The following LAPTM4B variants were observed in gnomAD, a reference collection of about 807,000 sequenced individuals.
LAPTM4B encodes the protein lysosomal protein transmembrane 4 beta.
A neutral mutation model predicts 28.5 loss-of-function variants in LAPTM4B; 26 were observed. That is an observed-to-expected ratio of 0.91 (90% CI 0.67 to 1.27). LAPTM4B has a LOEUF of 1.27. LAPTM4B is among the 50% of genes most tolerant of loss of function. LAPTM4B has a pLI of 0.00. For missense variants in LAPTM4B, 288 were observed against 285.8 expected, an observed-to-expected ratio of 1.01 and a Z score of -0.06; for synonymous variants, 109 against 106.4, an observed-to-expected ratio of 1.02 and a Z score of -0.15.
chr8:97,850,752 T>G (rs1817511650), intron 6 of LAPTM4B, among the ~76,000 whole-genome samples: 1 of 146,468 alleles, frequency 6.8e-6, no homozygotes, highest in Non-Finnish European at 1.5e-5. Context: ...TTTGTCTCAA[T>G]TATCTTATAC....
intron 6 of LAPTM4B, among the ~76,000 whole-genome samples, chr8:97,830,867 G>A (rs1041227562): frequency 1.3e-5 from 2 of 152,126 alleles, no homozygotes; most frequent in African/African-American, 4.8e-5. Context: ...CAGCTCAGCG[G>A]ATTTCATGTC....
At chr8:97,787,611 T>TTAAA (rs1274709738) in intron 1 of LAPTM4B, among the ~76,000 whole-genome samples, 1 of 152,206 alleles carries the variant, frequency 6.6e-6, no homozygotes, top group Non-Finnish European at 1.5e-5. Flanking sequence ...ACACCTAACT[T>TTAAA]ATTAAAGTCT....
chr8:97,847,112 C>T (rs1467497080), intron 6 of LAPTM4B, among the ~76,000 whole-genome samples: 1 of 152,144 alleles, frequency 6.6e-6, no homozygotes, highest in African/African-American at 2.4e-5. Flanking sequence ...ATAGAAGAGA[C>T]ATTATATATA....
chr8:97,808,278 A>G (rs7844304), intron 2 of LAPTM4B, among the ~76,000 whole-genome samples: 68,389 of 151,398 alleles, frequency 0.45, 15,906 homozygotes, highest in East Asian at 0.58. Flanking sequence ...GCAAAACCCC[A>G]TCTCTACTAA....
chr8:97,824,001 C>T (rs929655777), intron 5 of LAPTM4B, among the ~76,000 whole-genome samples: 4 of 152,026 alleles, frequency 2.6e-5, no homozygotes, highest in Admixed American at 1.3e-4. Flanking sequence ...TGCCTGGCCC[C>T]GCCCCATTAT....
At position 97,801,373 on chromosome 8, in the gene LAPTM4B, G is replaced by A. The variant is rs149045364; in HGVS notation, c.100-3980G>A. ...ATTTTTCTATTTTTAGCAGAGATGG[G>A]GTTTCACCACGTTGGCCAAACTGGT... On this transcript the variant is annotated intron_variant, in intron 1 of 6. Transcript: ENST00000521545. Among the ~76,000 whole-genome samples the A allele has an allele frequency of 3.3e-3, 494 of 151,916 alleles. 2 individuals carry two copies. The highest frequency in any genetic ancestry group is 0.011 in the African/African-American group (461 of 41,414).
At chr8:97,778,711 T>A (rs2129712524) in intron 1 of LAPTM4B, among the ~76,000 whole-genome samples, 1 of 152,236 alleles carries the variant, frequency 6.6e-6, no homozygotes, top group Non-Finnish European at 1.5e-5. Flanking sequence ...CCTTTTAACT[T>A]TTTGCCTACT....
intron 1 of LAPTM4B, among the ~76,000 whole-genome samples, chr8:97,804,753 G>C (rs1816735616): frequency 1.3e-5 from 2 of 152,196 alleles, no homozygotes; most frequent in Admixed American, 6.5e-5. Flanking sequence ...GAGGAGCTGA[G>C]TTTAAAGTAG....
chr8:97,825,973 C>G (rs2513956), intron 6 of LAPTM4B, among the ~76,000 whole-genome samples: 131,233 of 152,234 alleles, frequency 0.86, 58,260 homozygotes, highest in East Asian at 0.96. Context: ...AATGGTAGGA[C>G]GTCAAATTTA....
intron 2 of LAPTM4B, among the ~76,000 whole-genome samples, chr8:97,812,751 G>A (rs1452462291): frequency 6.6e-6 from 1 of 152,162 alleles, no homozygotes; most frequent in African/African-American, 2.4e-5. Flanking sequence ...ACCTCAGAGT[G>A]GGAGGCACCC....
At chr8:97,820,964 T>C (rs1816993493) in intron 5 of LAPTM4B, among the ~76,000 whole-genome samples, 1 of 151,514 alleles carries the variant, frequency 6.6e-6, no homozygotes, top group Non-Finnish European at 1.5e-5. Context: ...TGACCTCAGG[T>C]GATTTGCCTG....
At chr8:97,806,736 C>A (rs1454928907) in intron 2 of LAPTM4B, among the ~76,000 whole-genome samples, 1 of 152,134 alleles carries the variant, frequency 6.6e-6, no homozygotes, top group Non-Finnish European at 1.5e-5. Flanking sequence ...GCTGGCAGAT[C>A]AGCTGAGGCC....
intron 6 of LAPTM4B, among the ~76,000 whole-genome samples, chr8:97,842,396 A>C (rs1464041670): frequency 6.6e-6 from 1 of 152,200 alleles, no homozygotes; most frequent in South Asian, 2.1e-4. Flanking sequence ...TAGGACAGCT[A>C]TCTGAAACAT....
chr8:97,804,109 G>A (rs4734374), intron 1 of LAPTM4B, among the ~76,000 whole-genome samples: 67,412 of 152,076 alleles, frequency 0.44, 15,441 homozygotes, highest in East Asian at 0.57. Context: ...GCCTGGCCCA[G>A]TGATGCGCAC....
chr8:97,779,849 C>G (rs1816282173), intron 1 of LAPTM4B, among the ~76,000 whole-genome samples: 1 of 150,438 alleles, frequency 6.6e-6, no homozygotes, highest in Non-Finnish European at 1.5e-5. Context: ...GTCAGGAGTT[C>G]AAAACCAGTC....
intron 6 of LAPTM4B, among the ~76,000 whole-genome samples, chr8:97,849,471 T>C (rs1586349214): frequency 1.3e-5 from 2 of 152,218 alleles, no homozygotes; most frequent in East Asian, 3.8e-4. Flanking sequence ...ACTGAGTGTA[T>C]CTTGCCTACT....
At chr8:97,796,591 A>G (rs1449517292) in intron 1 of LAPTM4B, among the ~76,000 whole-genome samples, 2 of 152,316 alleles carry the variant, frequency 1.3e-5, no homozygotes, top group East Asian at 3.9e-4. Flanking sequence ...TAATCATTGT[A>G]TGTTGTAGTG....
At position 97,852,902 on chromosome 8, in the gene LAPTM4B, G is replaced by A. The variant is rs1341674163; in HGVS notation, c.*1428G>A. On this transcript the variant is annotated 3_prime_UTR_variant, in exon 7 of 7. Transcript: ENST00000521545. ...CTATGAAATAACAATTTCTAGAAAT[G>A]AAGAACAATCCGTGGAGAATAAATT... The A allele has an allele frequency of 7.2e-6, 3 of 415,844 alleles. No individual in the cohort carries two copies. Among genetic ancestry groups the A allele is most frequent in the Non-Finnish European group, 1.3e-5 (3 of 233,414 alleles). 25.8% of individuals were successfully genotyped at this position (415,844 alleles called of 1,614,324 possible).
intron 1 of LAPTM4B, among the ~76,000 whole-genome samples, chr8:97,794,553 A>G (rs767709018): frequency 9.2e-5 from 14 of 152,078 alleles, no homozygotes; most frequent in Admixed American, 2.6e-4. Flanking sequence ...TATATTTACC[A>G]TATTTATTTG....
Sources: allele counts gnomAD v4.1 joint callset (sites outside exome capture counted in the v4.1 genomes callset), GRCh38; gene constraint gnomAD v4.1.1; transcripts MANE v1.5; gene names NCBI Gene and HGNC (gene_info 2026-07-23, HGNC 2026-07-21).